The following TMEM132D variants were observed in gnomAD, a reference collection of about 807,000 sequenced individuals.
The protein encoded by TMEM132D is transmembrane protein 132D.
In TMEM132D, 21 loss-of-function variants were observed where a neutral mutation model predicts 62.3. The observed-to-expected ratio is 0.34, with a 90% CI of 0.24 to 0.49. TMEM132D has a LOEUF of 0.49. Among genes scored for constraint, TMEM132D ranks in the 20% least tolerant of loss-of-function variants. The probability of loss-of-function intolerance (pLI) is 0.99; values close to 1 mark genes in which losing one functional copy is unlikely to be tolerated. For missense variants in TMEM132D, 1,346 were observed against 1,402.8 expected, an observed-to-expected ratio of 0.96 and a Z score of 0.65; for synonymous variants, 621 against 575.6, an observed-to-expected ratio of 1.08 and a Z score of -1.13.
At chr12:129,530,225 A>T (rs1377034077) in intron 3 of TMEM132D, among the ~76,000 whole-genome samples, 2 of 152,232 alleles carry the variant, frequency 1.3e-5, no homozygotes, top group African/African-American at 2.4e-5. Flanking sequence ...TAGAATAAAT[A>T]ATAAAAAATA....
intron 4 of TMEM132D, among the ~76,000 whole-genome samples, chr12:129,276,797 T>C (rs1392940160): frequency 1.3e-5 from 2 of 152,252 alleles, no homozygotes; most frequent in Non-Finnish European, 2.9e-5. Context: ...GCAATTTGTT[T>C]ACCTAATGCA....
rs749589095 is a variant in TMEM132D, at chr12:129,700,325, G to A, written c.453C>T (p.Ile151=). 165 of 1,613,984 alleles carry A rather than the reference G, an allele frequency of 1.0e-4. No individual in the cohort carries two copies. Among genetic ancestry groups the A allele is most frequent in the African/African-American group, 2.0e-4 (15 of 75,072 alleles). The change falls in exon 2 of 9, where the codon ATC becomes ATT. Residue 151 remains isoleucine (I), a synonymous_variant. Coordinates refer to ENST00000422113, the MANE Select transcript of TMEM132D (RefSeq NM_133448.3). ...SRPKVQVLFH[I]MGRDWDDRSA... is the part of the protein sequence containing the mutation. Reference sequence around the variant, plus strand: ...TGCGGTCGTCCCAGTCTCTGCCCATGATGTGGAACAGAACCTGCACTTTGG... The same window carrying A: ...TGCGGTCGTCCCAGTCTCTGCCCATAATGTGGAACAGAACCTGCACTTTGG...
At chr12:129,743,099 C>A (rs1426342749) in intron 1 of TMEM132D, among the ~76,000 whole-genome samples, 1 of 152,224 alleles carries the variant, frequency 6.6e-6, no homozygotes, top group African/African-American at 2.4e-5. Flanking sequence ...TCCATCCCAA[C>A]CTCCTCTGCC....
intron 4 of TMEM132D, among the ~76,000 whole-genome samples, chr12:129,270,379 T>C (rs1880821589): frequency 6.6e-6 from 1 of 152,184 alleles, no homozygotes; most frequent in African/African-American, 2.4e-5. Flanking sequence ...GAGTCAAAGA[T>C]GACTTCTGGA....
intron 3 of TMEM132D, among the ~76,000 whole-genome samples, chr12:129,352,166 A>G (rs1218482438): frequency 1.3e-5 from 2 of 152,228 alleles, no homozygotes; most frequent in African/African-American, 4.8e-5. Context: ...GTAAGGGAAC[A>G]AATTAATAAT....
chr12:129,831,678 A>C (rs1033985950), intron 1 of TMEM132D, among the ~76,000 whole-genome samples: 6 of 152,150 alleles, frequency 3.9e-5, no homozygotes, highest in Non-Finnish European at 5.9e-5. Context: ...TTCAGTAGGA[A>C]ACAGAGCTGG....
intron 5 of TMEM132D, among the ~76,000 whole-genome samples, chr12:129,176,625 C>T (rs1405165519): frequency 6.6e-6 from 1 of 152,254 alleles, no homozygotes; most frequent in Non-Finnish European, 1.5e-5. Context: ...TACCACACAA[C>T]ACTGCAGAGA....
intron 1 of TMEM132D, among the ~76,000 whole-genome samples, chr12:129,882,648 T>C (rs900148384): frequency 5.9e-5 from 9 of 152,212 alleles, no homozygotes; most frequent in Admixed American, 3.9e-4. Context: ...ATGATAAATA[T>C]GCTAATTATC....
intron 2 of TMEM132D, among the ~76,000 whole-genome samples, chr12:129,554,615 C>T (rs559228627): frequency 6.6e-6 from 1 of 152,278 alleles, no homozygotes; most frequent in South Asian, 2.1e-4. Flanking sequence ...CCTATAACCA[C>T]CTTCTCTCTA....
intron 3 of TMEM132D, among the ~76,000 whole-genome samples, chr12:129,406,614 C>G: frequency 6.9e-6 from 1 of 144,960 alleles, no homozygotes; most frequent in African/African-American, 2.7e-5. Flanking sequence ...AGCGAGACTC[C>G]ACCTCAAAAA....
At chr12:129,298,133 A>G (rs1156618358) in intron 4 of TMEM132D, among the ~76,000 whole-genome samples, 1 of 152,060 alleles carries the variant, frequency 6.6e-6, no homozygotes, top group Non-Finnish European at 1.5e-5. Flanking sequence ...CATATCACCA[A>G]CTCATGGGTG....
At chr12:129,215,704 T>C (rs994411984) in intron 4 of TMEM132D, among the ~76,000 whole-genome samples, 1 of 152,138 alleles carries the variant, frequency 6.6e-6, no homozygotes, top group African/African-American at 2.4e-5. Flanking sequence ...TGTGCATTAG[T>C]CTGTTTTCAC....
intron 2 of TMEM132D, among the ~76,000 whole-genome samples, chr12:129,560,114 G>T (rs1877173725): frequency 6.6e-6 from 1 of 152,194 alleles, no homozygotes; most frequent in South Asian, 2.1e-4. Flanking sequence ...GCAATATGTA[G>T]ATTTCTAGGA....
intron 1 of TMEM132D, among the ~76,000 whole-genome samples, chr12:129,886,589 C>A (rs1274416250): frequency 6.6e-6 from 1 of 152,120 alleles, no homozygotes; most frequent in Non-Finnish European, 1.5e-5. Flanking sequence ...AATCATTAAA[C>A]AATCCTTCAC....
chr12:129,753,951 G>A (rs533834415), intron 1 of TMEM132D, among the ~76,000 whole-genome samples: 5 of 152,082 alleles, frequency 3.3e-5, no homozygotes, highest in East Asian at 3.9e-4. Context: ...ACCTCCAGCC[G>A]TCAAATTCCC....
chr12:129,901,887 C>T (rs1261895078), intron 1 of TMEM132D, among the ~76,000 whole-genome samples: 2 of 146,668 alleles, frequency 1.4e-5, no homozygotes, highest in Non-Finnish European at 3.0e-5. Flanking sequence ...AAAAAAAATG[C>T]TGGGCTGTTG....
At chr12:129,787,756 G>A (rs1841196724) in intron 1 of TMEM132D, among the ~76,000 whole-genome samples, 1 of 152,326 alleles carries the variant, frequency 6.6e-6, no homozygotes, top group African/African-American at 2.4e-5. Flanking sequence ...AGGGCAAAGA[G>A]TGGGCATGAG....
Position 129,403,457 on chromosome 12 carries a change from G to T in TMEM132D, c.1116-65640C>A, listed in dbSNP as rs139865293. Among the ~76,000 whole-genome samples, 501 of 151,608 alleles carry T rather than the reference G, an allele frequency of 3.3e-3. 3 individuals are homozygous for T. The highest frequency in any genetic ancestry group is 0.011 in the African/African-American group (469 of 41,282). ...CATTCATGTGGAGTGAGTAGGAAACGGCATTAATGCATTTAAAACAGATTT... is the reference window on the plus strand; with the variant it reads ...CATTCATGTGGAGTGAGTAGGAAACTGCATTAATGCATTTAAAACAGATTT... On this transcript the variant is annotated intron_variant, in intron 3 of 8. Coordinates refer to ENST00000422113, the MANE Select transcript of TMEM132D (RefSeq NM_133448.3).
At chr12:129,767,916 G>A (rs948394883) in intron 1 of TMEM132D, among the ~76,000 whole-genome samples, 1 of 152,208 alleles carries the variant, frequency 6.6e-6, no homozygotes, top group Non-Finnish European at 1.5e-5. Flanking sequence ...CAGAAGGCAA[G>A]GAGGAGCAAA....
Sources: allele counts gnomAD v4.1 joint callset (sites outside exome capture counted in the v4.1 genomes callset), GRCh38; gene constraint gnomAD v4.1.1; transcripts MANE v1.5; gene names NCBI Gene and HGNC (gene_info 2026-07-23, HGNC 2026-07-21).